Variants in SSR1 observed in about 807,000 individuals in gnomAD.
The protein encoded by SSR1 is translocon-associated protein subunit alpha.
In SSR1, 13 loss-of-function variants were observed where a neutral mutation model predicts 36.1. That is an observed-to-expected ratio of 0.36 (90% CI 0.23 to 0.57). The LOEUF is 0.57. SSR1 is among the 20% of genes least tolerant of loss of function. The pLI is 0.81. For missense variants in SSR1, 291 were observed against 338.5 expected (o/e 0.86, Z 1.10); for synonymous variants, 113 against 118.9 (o/e 0.95, Z 0.32).
rs749635334 is a variant in SSR1 at position 7,287,847 on chromosome 6, C to T, written c.*2017G>A. The T allele has an allele frequency of 3.3e-5, 5 of 152,470 alleles. No individual in the cohort carries two copies. The highest frequency in any genetic ancestry group is 3.3e-4 in the Admixed American group (5 of 15,266). The allele number at this position is 152,470 out of a possible 1,614,324, so 9.4% of individuals were successfully genotyped here. ...ATTCCATTCATTACGGAGTTAGTTTCTGCTAAATACTTACTGATGCTAGAG... is the reference window on the plus strand; with the variant it reads ...ATTCCATTCATTACGGAGTTAGTTTTTGCTAAATACTTACTGATGCTAGAG... On this transcript the variant is annotated 3_prime_UTR_variant, in exon 8 of 8. Transcript: ENST00000244763.
Position 7,301,337 on chromosome 6 carries a change from G to A in SSR1, c.516C>T (p.Val172=), listed in dbSNP as rs1358562306. 2 of 1,614,080 alleles carry A rather than the reference G, an allele frequency of 1.2e-6. No individual in the cohort carries two copies. Among genetic ancestry groups the A allele is most frequent in the Non-Finnish European group, 1.7e-6 (2 of 1,180,022 alleles). The change falls in exon 4 of 8, where the codon GTC becomes GTT. Residue 172 remains valine, a synonymous_variant. Transcript: ENST00000244763. ...EPMGGRPFGL[V]INLNYKDLNG... Reference sequence around the variant, plus strand: ...TCAAATCTTTGTAGTTCAGATTGATGACCAAACCAAATGGTCGTCCGCCCA... The same window carrying A: ...TCAAATCTTTGTAGTTCAGATTGATAACCAAACCAAATGGTCGTCCGCCCA...
chr6:7,303,463 T>C, intron 3 of SSR1, 87 bp downstream of exon 3: 1 of 846,778 alleles, frequency 1.2e-6, no homozygotes, highest in East Asian at 2.5e-5. Context: ...AATATTACTT[T>C]ACAGATATGG....
intron 5 of SSR1, among the ~76,000 whole-genome samples, chr6:7,298,356 A>G (rs1190009121): frequency 6.6e-6 from 1 of 152,232 alleles, no homozygotes; most frequent in Non-Finnish European, 1.5e-5. Context: ...AGTTTAGAGT[A>G]AAAAAAGATT....
chr6:7,303,138 TAAAAAAAAAAAA>T (rs35763826), intron 3 of SSR1, among the ~76,000 whole-genome samples: 15 of 42,920 alleles, frequency 3.5e-4, no homozygotes, highest in Admixed American at 2.9e-3. Context: ...GACTACATCT[TAAAAAAAAAAAA>T]AAAAAAAAAA....
intron 7 of SSR1, among the ~76,000 whole-genome samples, chr6:7,291,940 G>C (rs1221999596): frequency 6.6e-6 from 1 of 152,128 alleles, no homozygotes. Flanking sequence ...GGGCATGGTG[G>C]TGTGCGTCTG....
intron 7 of SSR1, among the ~76,000 whole-genome samples, chr6:7,292,587 T>TG (rs1757707519): frequency 6.6e-6 from 1 of 152,136 alleles, no homozygotes; most frequent in African/African-American, 2.4e-5. Flanking sequence ...AGACTTGCTA[T>TG]GTGGCCGAGG....
chr6:7,285,444 G>A lies in SSR1; in HGVS notation c.*4420C>T, dbSNP rs1757529462. The A allele has an allele frequency of 6.6e-6, 1 of 152,250 alleles. No homozygotes were observed. Among genetic ancestry groups the A allele is most frequent in the Non-Finnish European group, 1.5e-5 (1 of 68,102 alleles). The allele number at this position is 152,250 out of a possible 1,614,324, so 9.4% of individuals were successfully genotyped here. The stretch of plus-strand genomic sequence containing the variant: ...TAAGCCTGACACTTTGTGAGGCCAA[G>A]GTGGGTGAATCACTTGAGCTCAGGA... On this transcript the variant is annotated 3_prime_UTR_variant, in exon 8 of 8. Transcript: ENST00000244763. This position sits in a 1 kb window ranked among gnomAD's most constrained non-coding sequence, Gnocchi z 4.1.
chr6:7,309,603 G>C (rs575053244), intron 2 of SSR1, among the ~76,000 whole-genome samples: 1 of 152,196 alleles, frequency 6.6e-6, no homozygotes, highest in East Asian at 1.9e-4. Context: ...AATGAATCAC[G>C]GGGACGGTTA....
chr6:7,282,061 G>C lies in SSR1; in HGVS notation c.*7803C>G, dbSNP rs915094320. 6.6e-6 allele frequency: 1 copy of C among 152,460 alleles called. No homozygotes were observed. Among genetic ancestry groups the C allele is most frequent in the African/African-American group, 2.4e-5 (1 of 41,436 alleles). 9.4% of individuals were successfully genotyped at this position (152,460 alleles called of 1,614,324 possible). ...AAAGAAATGAAGGTGAATTTGGGGG[G>C]TGGTGGTCAATGGGTTAAACGTACA... is the stretch of plus-strand genomic sequence containing the variant. On this transcript the variant is annotated 3_prime_UTR_variant, in exon 8 of 8. Transcript: ENST00000244763.
chr6:7,306,683 G>A (rs954780311), intron 2 of SSR1, among the ~76,000 whole-genome samples: 23 of 151,300 alleles, frequency 1.5e-4, no homozygotes, highest in East Asian at 4.0e-4. Flanking sequence ...TCGGGAGGCC[G>A]AGGCGGGCGG....
In SSR1 at chr6:7,288,152, T is replaced by C. The variant is rs1757596422; in HGVS notation, c.*1712A>G. On this transcript the variant is annotated 3_prime_UTR_variant, in exon 8 of 8. Transcript: ENST00000244763. ...TCTGTAATTACACCTTACTGTATCA[T>C]GCCCTAGTAGTTTCACAAACTTAGA... is the stretch of plus-strand genomic sequence containing the variant. The C allele has an allele frequency of 6.6e-6, 1 of 152,218 alleles. No individual in the cohort carries two copies. 9.4% of individuals were successfully genotyped at this position (152,218 alleles called of 1,614,324 possible).
intron 1 of SSR1, among the ~76,000 whole-genome samples, chr6:7,312,115 G>C (rs1207303526): frequency 6.6e-6 from 1 of 152,180 alleles, no homozygotes; most frequent in Non-Finnish European, 1.5e-5. Context: ...CAGAATGAAA[G>C]GGATGCTTAG....
At chr6:7,294,746 A>AT (rs1267318094) in intron 7 of SSR1, among the ~76,000 whole-genome samples, 10 of 152,044 alleles carry the variant, frequency 6.6e-5, no homozygotes, top group African/African-American at 2.2e-4. Context: ...GAATTGACTT[A>AT]TTTTTTTCAC....
chr6:7,311,071 C>G (rs1758184653), intron 1 of SSR1, among the ~76,000 whole-genome samples: 1 of 152,148 alleles, frequency 6.6e-6, no homozygotes, highest in African/African-American at 2.4e-5. Context: ...AACTGGCTTG[C>G]ATGAAAAACA....
chr6:7,292,578 G>A (rs529543259), intron 7 of SSR1, among the ~76,000 whole-genome samples: 2 of 152,068 alleles, frequency 1.3e-5, no homozygotes, highest in Admixed American at 1.3e-4. Context: ...AGAGATGGGA[G>A]ACTTGCTATG....
At chr6:7,299,104 T>C (rs374451508) in intron 4 of SSR1, among the ~76,000 whole-genome samples, 1 of 151,302 alleles carries the variant, frequency 6.6e-6, no homozygotes, top group East Asian at 2.0e-4. Flanking sequence ...CCAGGACTTG[T>C]GAGTCCAGCC....
chr6:7,304,333 C>T (rs1335727649), intron 2 of SSR1, among the ~76,000 whole-genome samples: 1 of 152,194 alleles, frequency 6.6e-6, no homozygotes, highest in Non-Finnish European at 1.5e-5. Context: ...TTCAACTCAA[C>T]TCTGGGGCTA....
intron 4 of SSR1, 41 bp downstream of exon 4, chr6:7,301,269 C>A (rs374218248): frequency 3.3e-5 from 52 of 1,595,116 alleles, no homozygotes; most frequent in Non-Finnish European, 4.3e-5. Context: ...CGCCCCCATC[C>A]ATCTCTAACT....
rs1032110395 is a variant in SSR1, at chr6:7,311,040, T to G, written c.80-1011A>C. Among the ~76,000 whole-genome samples, 4 of 152,264 alleles carry G rather than the reference T, an allele frequency of 2.6e-5. No individual in the cohort carries two copies. In the East Asian group the frequency reaches 7.7e-4, roughly 29 times the overall value. The stretch of plus-strand genomic sequence containing the variant: ...GTTTGTAAGCCAAGGAACAAATATC[T>G]GTAATCATATCCATGGTAAAAACTG... On this transcript the variant is annotated intron_variant, in intron 1 of 7. Transcript: ENST00000244763.
Sources: gnomAD v4.1 joint callset for allele counts (sites outside exome capture counted in the v4.1 genomes callset) on GRCh38, gnomAD v4.1.1 for gene constraint, Gnocchi (gnomAD v3.1) non-coding constraint, MANE v1.5 for transcripts, NCBI Gene and HGNC (gene_info 2026-07-23, HGNC 2026-07-21) for gene names.